The following FILIP1 variants were observed in gnomAD, a reference collection of about 807,000 sequenced individuals.
The protein encoded by FILIP1 is filamin A interacting protein 1.
Under a neutral mutation model 102.1 loss-of-function variants are expected in FILIP1, and 61 were observed. The observed-to-expected ratio is 0.60, with a 90% CI of 0.49 to 0.74. The LOEUF (loss-of-function observed/expected upper bound fraction) is 0.74, where lower values mean the gene tolerates loss of function less well. Among genes scored for constraint, FILIP1 ranks in the 30% least tolerant of loss-of-function variants. The probability of loss-of-function intolerance (pLI) is 0.00; values close to 1 mark genes in which losing one functional copy is unlikely to be tolerated. For missense variants in FILIP1, 1,314 were observed against 1,441.2 expected (o/e 0.91, Z 1.43); for synonymous variants, 491 against 526.9 (o/e 0.93, Z 0.93).
At chr6:75,463,784 G>C (rs1357252051) in intron 1 of FILIP1, among the ~76,000 whole-genome samples, 2 of 152,158 alleles carry the variant, frequency 1.3e-5, no homozygotes, top group East Asian at 3.8e-4. Context: ...GACCAGCTCA[G>C]AGTCAGTGAA....
At chr6:75,295,606 AT>A (rs1341679337) in exon 7 of FILIP1, 57 of 227,410 alleles carry the variant, frequency 2.5e-4, no homozygotes, top group South Asian at 3.6e-4. Context: ...AGCAAAAAAA[AT>A]CACATTACAA....
intron 2 of FILIP1, among the ~76,000 whole-genome samples, chr6:75,372,722 G>GGAAGGA (rs376642817): frequency 3.0e-5 from 2 of 65,930 alleles, no homozygotes; most frequent in African/African-American, 1.5e-4. Context: ...AGGAAAGAAA[G>GGAAGGA]AGAAAGAGAA....
intron 1 of FILIP1, among the ~76,000 whole-genome samples, chr6:75,450,652 GA>G (rs201690421): frequency 0.015 from 1,332 of 91,112 alleles, 12 homozygotes; most frequent in Admixed American, 0.019. Context: ...TCTTAAAAAA[GA>G]AAAAAAAAAA....
At chr6:75,397,843 G>GCA in intron 2 of FILIP1, 1 of 152,194 alleles carries the variant, frequency 6.6e-6, no homozygotes, top group East Asian at 1.9e-4. Context: ...CCATAGACTT[G>GCA]CAAATGTACT....
chr6:75,391,327 C>T (rs1776273849), intron 2 of FILIP1, among the ~76,000 whole-genome samples: 1 of 152,132 alleles, frequency 6.6e-6, no homozygotes, highest in Non-Finnish European at 1.5e-5. Context: ...GCCAACTGAT[C>T]TCATTTCAAA....
chr6:75,320,622 A>G (rs867165894), intron 4 of FILIP1, among the ~76,000 whole-genome samples: 2 of 152,174 alleles, frequency 1.3e-5, no homozygotes, highest in Non-Finnish European at 2.9e-5. Context: ...GAAATTACCT[A>G]AATAGAGATG....
chr6:75,492,357 T>C lies in FILIP1; in HGVS notation c.-7+1057A>G, dbSNP rs1016423472. 3.3e-5 allele frequency among the ~76,000 whole-genome samples: 5 copies of C among 152,200 alleles called. No homozygotes were observed. In the South Asian group the frequency reaches 8.3e-4, roughly 25 times the overall value. On this transcript the variant is annotated intron_variant, in intron 1 of 5. Coordinates refer to ENST00000237172, the MANE Select transcript of FILIP1 (RefSeq NM_015687.5). The stretch of plus-strand genomic sequence containing the variant: ...AAATTCTTTCTTTACATTGATAGAA[T>C]AGACTTTAAAAATTCCAATTAAAAT...
chr6:75,397,537 G>GACACACACACAC (rs59797690), intron 2 of FILIP1, among the ~76,000 whole-genome samples: 1 of 139,046 alleles, frequency 7.2e-6, no homozygotes, highest in Non-Finnish European at 1.5e-5. Context: ...ACACATATAA[G>GACACACACACAC]ACACACACAC....
intron 1 of FILIP1, among the ~76,000 whole-genome samples, chr6:75,441,396 G>A (rs546948891): frequency 4.5e-4 from 68 of 152,130 alleles, no homozygotes; most frequent in South Asian, 8.3e-4. Flanking sequence ...ACACAGACAC[G>A]GCAACCATCC....
chr6:75,369,512 G>A (rs1002143079), intron 2 of FILIP1, among the ~76,000 whole-genome samples: 5 of 152,122 alleles, frequency 3.3e-5, no homozygotes, highest in South Asian at 2.1e-4. Flanking sequence ...AAGGTACAAC[G>A]CCATTACTAA....
At chr6:75,392,021 G>A (rs1477856559) in intron 2 of FILIP1, among the ~76,000 whole-genome samples, 3 of 152,108 alleles carry the variant, frequency 2.0e-5, no homozygotes, top group Admixed American at 2.0e-4. Context: ...TGATCCATCA[G>A]CAGCATCTGA....
chr6:75,341,888 C>T (rs566175175), intron 4 of FILIP1, among the ~76,000 whole-genome samples: 1 of 152,220 alleles, frequency 6.6e-6, no homozygotes, highest in African/African-American at 2.4e-5. Flanking sequence ...TTTAGTGAAA[C>T]TTGTATTGTT....
downstream of FILIP1, among the ~76,000 whole-genome samples, chr6:75,307,502 A>C (rs575852653): frequency 6.6e-6 from 1 of 152,178 alleles, no homozygotes. Context: ...TGCAGCCTAC[A>C]TGAGATCTTG....
At chr6:75,485,529 T>C (rs1779757897) in intron 1 of FILIP1, among the ~76,000 whole-genome samples, 1 of 152,332 alleles carries the variant, frequency 6.6e-6, no homozygotes, top group Middle Eastern at 3.4e-3. Flanking sequence ...GGATATGTGA[T>C]ACCCTGGAAA....
intron 1 of FILIP1, among the ~76,000 whole-genome samples, chr6:75,492,880 G>A (rs558567758): frequency 6.6e-6 from 1 of 152,228 alleles, no homozygotes; most frequent in South Asian, 2.1e-4. Context: ...CTAGTGTAAC[G>A]AGGTCAGAAC....
chr6:75,292,723 G>A (rs1772573358), exon 7 of FILIP1: 1 of 151,906 alleles, frequency 6.6e-6, no homozygotes, highest in Admixed American at 6.6e-5. Context: ...CTTCCATTTT[G>A]CACTTTTGCT....
chr6:75,389,993 G>A lies in FILIP1; in HGVS notation c.276+24704C>T, dbSNP rs190673153. On this transcript the variant is annotated intron_variant, in intron 2 of 5. Transcript: ENST00000237172. The stretch of plus-strand genomic sequence containing the variant: ...TGGCTGCACTTCAGAATCATCCAAA[G>A]CTTAAAACAAACAAACAAACAAACA... Among the ~76,000 whole-genome samples the A allele has an allele frequency of 3.9e-4, 59 of 151,966 alleles. No homozygotes were observed. In the East Asian group the frequency reaches 9.9e-3, roughly 25 times the overall value.
intron 2 of FILIP1, among the ~76,000 whole-genome samples, chr6:75,369,822 A>G (rs149277684): frequency 1.1e-4 from 16 of 152,362 alleles, no homozygotes; most frequent in African/African-American, 3.8e-4. Flanking sequence ...AGAACAAAAC[A>G]AAAGATATAA....
intron 4 of FILIP1, among the ~76,000 whole-genome samples, chr6:75,321,308 C>T (rs1043216823): frequency 6.6e-6 from 1 of 151,998 alleles, no homozygotes; most frequent in Non-Finnish European, 1.5e-5. Flanking sequence ...GAGCAGTACA[C>T]CCTTGGGTCT....
Sources: gnomAD v4.1 joint callset for allele counts (sites outside exome capture counted in the v4.1 genomes callset) on GRCh38, gnomAD v4.1.1 for gene constraint, MANE v1.5 for transcripts, NCBI Gene and HGNC (gene_info 2026-07-23, HGNC 2026-07-21) for gene names.